SCARA3: variants seen among roughly 807,000 people sequenced by gnomAD.
The protein encoded by SCARA3 is scavenger receptor class A member 3.
SCARA3 carries 39 observed loss-of-function variants against 47.0 expected under a neutral mutation model. The observed-to-expected ratio is 0.83, with a 90% CI of 0.64 to 1.08. The LOEUF (loss-of-function observed/expected upper bound fraction) is 1.08. Ranked by LOEUF, SCARA3 falls within the 50% of genes least tolerant of loss-of-function variation. SCARA3 has a pLI of 0.00. For synonymous variants in SCARA3, 356 were observed against 334.1 expected, an observed-to-expected ratio of 1.07 and a Z score of -0.71; for missense variants, 724 against 792.3, an observed-to-expected ratio of 0.91 and a Z score of 1.04.
At chr8:27,706,564 GAGA>G in the SCARA3 span, among the ~76,000 whole-genome samples, 1 of 152,136 alleles carries the variant, frequency 6.6e-6, no homozygotes, top group Non-Finnish European at 1.5e-5. Context: ...GATTGGAGGA[GAGA>G]AGGACACGAG....
chr8:27,659,250 C>T lies in SCARA3; in HGVS notation c.1080C>T (p.Ile360=), dbSNP rs757082527. ...MASHEIEIGT[I]FTNINATDNH... ...CTCACGAGATTGAAATTGGCACCAT[C>T]TTCACCAACATCAATGCCACCGACA... Residue 360 remains isoleucine (I), a synonymous_variant, in exon 5 of 6, where the codon ATC becomes ATT. Transcript: ENST00000301904. The T allele has an allele frequency of 1.2e-6, 2 of 1,614,186 alleles. No individual in the cohort carries two copies. Among genetic ancestry groups the T allele is most frequent in the Non-Finnish European group, 1.7e-6 (2 of 1,180,036 alleles).
the SCARA3 span, among the ~76,000 whole-genome samples, chr8:27,696,512 G>C: frequency 3.3e-5 from 5 of 152,068 alleles, no homozygotes; most frequent in South Asian, 1.0e-3. Flanking sequence ...CTGGAGTGCA[G>C]TGACAAGGCT....
At chr8:27,722,008 G>A in the SCARA3 span, among the ~76,000 whole-genome samples, 1 of 152,348 alleles carries the variant, frequency 6.6e-6, no homozygotes, top group South Asian at 2.1e-4. Flanking sequence ...AGGATTGCTT[G>A]AGCCTGGGAG....
intron 5 of SCARA3, among the ~76,000 whole-genome samples, chr8:27,665,059 C>T (rs505295): frequency 6.6e-6 from 1 of 152,002 alleles, no homozygotes; most frequent in Admixed American, 6.5e-5. Flanking sequence ...GCTGGCAATG[C>T]GGTCTCCACG....
chr8:27,661,315 G>A (rs893652546), intron 5 of SCARA3, among the ~76,000 whole-genome samples: 2 of 152,150 alleles, frequency 1.3e-5, no homozygotes, highest in African/African-American at 2.4e-5. Flanking sequence ...TCCACCTAAT[G>A]TGATGCAACT....
the SCARA3 span, among the ~76,000 whole-genome samples, chr8:27,712,541 T>C: frequency 3.9e-4 from 49 of 125,184 alleles, no homozygotes; most frequent in African/African-American, 1.1e-3. Context: ...CCAGCCTGGG[T>C]GACAGAGCGA....
chr8:27,642,551 G>C (rs1430368785), intron 1 of SCARA3, among the ~76,000 whole-genome samples: 1 of 152,268 alleles, frequency 6.6e-6, no homozygotes, highest in African/African-American at 2.4e-5. Context: ...GGCCAGGCAT[G>C]GTGGCTCATG....
At chr8:27,709,554 G>C in the SCARA3 span, among the ~76,000 whole-genome samples, 1 of 152,228 alleles carries the variant, frequency 6.6e-6, no homozygotes, top group Admixed American at 6.5e-5. Flanking sequence ...CTTGGGGGCT[G>C]TTTGTGTGCA....
chr8:27,730,706 T>A, the SCARA3 span, among the ~76,000 whole-genome samples: 4 of 151,724 alleles, frequency 2.6e-5, no homozygotes, highest in Admixed American at 2.6e-4. Flanking sequence ...CCCAGGCTGG[T>A]CTTGAATTCC....
chr8:27,668,816 A>G (rs1802078229), intron 5 of SCARA3, among the ~76,000 whole-genome samples: 2 of 152,196 alleles, frequency 1.3e-5, no homozygotes, highest in East Asian at 1.9e-4. Context: ...TCCAGCCACA[A>G]CAGAGGAAGA....
chr8:27,683,863 A>C, the SCARA3 span, among the ~76,000 whole-genome samples: 2 of 152,176 alleles, frequency 1.3e-5, no homozygotes, highest in Non-Finnish European at 2.9e-5. Context: ...AAAAACAGGA[A>C]AGAGGAGAAC....
the SCARA3 span, among the ~76,000 whole-genome samples, chr8:27,725,503 A>G: frequency 1.3e-5 from 2 of 148,804 alleles, no homozygotes; most frequent in Non-Finnish European, 3.0e-5. Flanking sequence ...AAAGTTCTAT[A>G]CCATGGTCCA....
At chr8:27,723,577 G>C in the SCARA3 span, among the ~76,000 whole-genome samples, 2 of 152,118 alleles carry the variant, frequency 1.3e-5, no homozygotes, top group Admixed American at 1.3e-4. Context: ...TCCCTTCTCT[G>C]TACTAAAAAT....
At chr8:27,717,155 C>T in the SCARA3 span, among the ~76,000 whole-genome samples, 10 of 152,282 alleles carry the variant, frequency 6.6e-5, no homozygotes, top group Non-Finnish European at 7.3e-5. Flanking sequence ...TGACTGGGTA[C>T]TTTGCTATAA....
chr8:27,646,884 A>G (rs1393155674), intron 1 of SCARA3, among the ~76,000 whole-genome samples: 1 of 147,268 alleles, frequency 6.8e-6, no homozygotes, highest in Non-Finnish European at 1.5e-5. Flanking sequence ...AGTGCTTCTT[A>G]GGATATGCAT....
At chr8:27,716,824 G>A in the SCARA3 span, among the ~76,000 whole-genome samples, 7 of 152,290 alleles carry the variant, frequency 4.6e-5, no homozygotes, top group South Asian at 1.2e-3. Context: ...AATTTACAGT[G>A]GAGAAATCTG....
intron 1 of SCARA3, 132 bp from the exon 2 acceptor site, chr8:27,649,570 T>A: frequency 1.2e-6 from 1 of 825,324 alleles, no homozygotes; most frequent in Non-Finnish European, 2.0e-6. Flanking sequence ...GCAGCTTACA[T>A]CAGGCCACCT....
At chr8:27,637,709 A>C (rs35361277) in intron 1 of SCARA3, among the ~76,000 whole-genome samples, 1 of 151,950 alleles carries the variant, frequency 6.6e-6, no homozygotes, top group Non-Finnish European at 1.5e-5. Context: ...TGGGAGAAAC[A>C]ACCCCTCCTT....
At chr8:27,652,694 A>G (rs1402126561) in intron 3 of SCARA3, among the ~76,000 whole-genome samples, 1 of 152,162 alleles carries the variant, frequency 6.6e-6, no homozygotes, top group Non-Finnish European at 1.5e-5. Context: ...AATCCAACAA[A>G]AGCCGGGAGC....
Sources: gnomAD v4.1 joint callset for allele counts (sites outside exome capture counted in the v4.1 genomes callset) on GRCh38, gnomAD v4.1.1 for gene constraint, MANE v1.5 for transcripts, NCBI Gene and HGNC (gene_info 2026-07-23, HGNC 2026-07-21) for gene names.